The following PTPRD variants were observed in gnomAD, a reference collection of about 807,000 sequenced individuals.
The protein encoded by PTPRD is protein tyrosine phosphatase receptor type D, also known as receptor-type tyrosine-protein phosphatase delta.
Under a neutral mutation model 214.5 loss-of-function variants are expected in PTPRD, and 34 were observed. That is an observed-to-expected ratio of 0.16 (90% CI 0.12 to 0.21). The LOEUF (loss-of-function observed/expected upper bound fraction) is 0.21, where lower values mean the gene tolerates loss of function less well. Ranked by LOEUF, PTPRD falls within the 10% of genes least tolerant of loss-of-function variation. The pLI, the probability that PTPRD is intolerant of heterozygous loss-of-function variation, is 1.00. For synonymous variants in PTPRD, 1,128 were observed against 845.7 expected (o/e 1.33, Z -5.79); for missense variants, 2,545 against 2,398.7 (o/e 1.06, Z -1.27).
At chr9:9,151,759 C>T (rs1020126559) in intron 10 of PTPRD, among the ~76,000 whole-genome samples, 1 of 152,138 alleles carries the variant, frequency 6.6e-6, no homozygotes, top group Non-Finnish European at 1.5e-5. Flanking sequence ...ACAGATTGCT[C>T]AGTGCCTAAA....
intron 2 of PTPRD, among the ~76,000 whole-genome samples, chr9:10,507,076 G>C (rs1043055517): frequency 6.6e-6 from 1 of 152,026 alleles, no homozygotes; most frequent in African/African-American, 2.4e-5. Context: ...ATCTCCTTAA[G>C]TTGATAAGCA....
chr9:8,999,705 C>T (rs2099410322), intron 11 of PTPRD, among the ~76,000 whole-genome samples: 1 of 151,878 alleles, frequency 6.6e-6, no homozygotes, highest in Non-Finnish European at 1.5e-5. Flanking sequence ...TTCGATAGTC[C>T]TTTGTAACTG....
At chr9:9,300,902 A>G (rs1364877957) in intron 9 of PTPRD, among the ~76,000 whole-genome samples, 2 of 151,876 alleles carry the variant, frequency 1.3e-5, no homozygotes. Context: ...TGTTATTTAT[A>G]TCACTTAATT....
chr9:10,396,207 T>G lies in PTPRD; in HGVS notation c.-599-55190A>C, dbSNP rs182787077. Among the ~76,000 whole-genome samples, 3 of 152,090 alleles carry G rather than the reference T, an allele frequency of 2.0e-5. No homozygotes were observed. In the East Asian group the frequency reaches 5.9e-4, roughly 30 times the overall value. On this transcript the variant is annotated intron_variant, in intron 2 of 45. Transcript: ENST00000381196. ...TACAAATGATAATTTTAGTTGAAAC[T>G]AATGTGATATAATAAGGAAATTAGG...
chr9:9,014,562 A>G (rs1037753556), intron 11 of PTPRD, among the ~76,000 whole-genome samples: 1 of 152,172 alleles, frequency 6.6e-6, no homozygotes, highest in Non-Finnish European at 1.5e-5. Context: ...CTTGCCAGGA[A>G]TAATCCGAAG....
chr9:8,559,007 G>A (rs888768576), intron 14 of PTPRD, among the ~76,000 whole-genome samples: 23 of 146,208 alleles, frequency 1.6e-4, no homozygotes, highest in Admixed American at 7.2e-4. Flanking sequence ...AAATCTGAAT[G>A]CCTGGCCTAC....
At chr9:8,450,801 AT>A (rs2095907411) in intron 33 of PTPRD, among the ~76,000 whole-genome samples, 1 of 152,210 alleles carries the variant, frequency 6.6e-6, no homozygotes, top group Admixed American at 6.5e-5. Context: ...TTTGAATTAG[AT>A]TAAAAACCCA....
intron 3 of PTPRD, among the ~76,000 whole-genome samples, chr9:10,263,418 C>T (rs10958984): frequency 0.046 from 7,057 of 152,094 alleles, 353 homozygotes; most frequent in East Asian, 0.14. Flanking sequence ...TGACCAAAAT[C>T]CTGATAGTGA....
chr9:8,871,305 A>C (rs2098295439), intron 11 of PTPRD, among the ~76,000 whole-genome samples: 1 of 152,198 alleles, frequency 6.6e-6, no homozygotes, highest in African/African-American at 2.4e-5. Context: ...CTGTGAATGA[A>C]AGTTCACGGA....
At chr9:9,066,934 G>A (rs921617895) in intron 10 of PTPRD, among the ~76,000 whole-genome samples, 1 of 152,214 alleles carries the variant, frequency 6.6e-6, no homozygotes, top group Non-Finnish European at 1.5e-5. Context: ...AAAGGATTAT[G>A]TGGTAATCCC....
intron 12 of PTPRD, among the ~76,000 whole-genome samples, chr9:8,642,144 A>G (rs2096590516): frequency 1.3e-5 from 2 of 150,590 alleles, no homozygotes; most frequent in Non-Finnish European, 2.9e-5. Flanking sequence ...GAGTTGAGGT[A>G]TATGATTGGC....
chr9:9,372,796 T>A (rs998000933), intron 9 of PTPRD, among the ~76,000 whole-genome samples: 9 of 152,140 alleles, frequency 5.9e-5, no homozygotes, highest in Admixed American at 3.3e-4. Flanking sequence ...GAGCTCTTTT[T>A]GGGCAGGCCT....
intron 7 of PTPRD, among the ~76,000 whole-genome samples, chr9:9,685,277 TATG>T: frequency 6.6e-6 from 1 of 150,648 alleles, no homozygotes. Flanking sequence ...TATATATATA[TATG>T]TATCCATAGT....
chr9:9,470,778 T>C (rs1455640777), intron 8 of PTPRD, among the ~76,000 whole-genome samples: 1 of 152,196 alleles, frequency 6.6e-6, no homozygotes, highest in Non-Finnish European at 1.5e-5. Context: ...CTTCATCATT[T>C]GTCTGGAGGG....
chr9:9,691,074 G>T (rs2097262198), intron 7 of PTPRD, among the ~76,000 whole-genome samples: 1 of 151,778 alleles, frequency 6.6e-6, no homozygotes, highest in African/African-American at 2.4e-5. Context: ...TTTGGTACAG[G>T]CATGCAATGC....
chr9:10,092,830 T>C (rs552659448), intron 3 of PTPRD, among the ~76,000 whole-genome samples: 28 of 151,352 alleles, frequency 1.8e-4, no homozygotes, highest in African/African-American at 1.9e-4. Context: ...TGCAACAAAG[T>C]TGACAAAATA....
chr9:9,932,241 A>G (rs1348106600), intron 5 of PTPRD, among the ~76,000 whole-genome samples: 1 of 150,966 alleles, frequency 6.6e-6, no homozygotes, highest in Non-Finnish European at 1.5e-5. Context: ...AACTTTGACG[A>G]GCTGAGAGAA....
chr9:9,574,167 G>C (rs1254977865), intron 8 of PTPRD, among the ~76,000 whole-genome samples: 1 of 151,830 alleles, frequency 6.6e-6, no homozygotes, highest in Admixed American at 6.6e-5. Context: ...ATATAATCCA[G>C]ATTCACATTT....
intron 11 of PTPRD, among the ~76,000 whole-genome samples, chr9:8,911,211 G>A (rs1024313606): frequency 6.6e-6 from 1 of 152,176 alleles, no homozygotes; most frequent in Non-Finnish European, 1.5e-5. Flanking sequence ...TTAAGAACTT[G>A]CTATAAACAA....
Sources: gnomAD v4.1 joint callset for allele counts (sites outside exome capture counted in the v4.1 genomes callset) on GRCh38, gnomAD v4.1.1 for gene constraint, MANE v1.5 for transcripts, NCBI Gene and HGNC (gene_info 2026-07-23, HGNC 2026-07-21) for gene names.